Variants in ARHGAP42 observed in about 807,000 individuals in gnomAD.
ARHGAP42 encodes the protein rho GTPase-activating protein 42.
In ARHGAP42, 63 loss-of-function variants were observed where a neutral mutation model predicts 125.0. That is an observed-to-expected ratio of 0.50 (90% CI 0.41 to 0.62). The LOEUF is 0.62. Ranked by LOEUF, ARHGAP42 falls within the 20% of genes least tolerant of loss-of-function variation. ARHGAP42 has a pLI of 0.00. For synonymous variants in ARHGAP42, 339 were observed against 351.0 expected (o/e 0.97, Z 0.38); for missense variants, 766 against 1,024.2 (o/e 0.75, Z 3.44).
chr11:100,941,830 G>T lies in ARHGAP42; in HGVS notation c.879G>T (p.Lys293Asn). 1 of 1,538,700 alleles carries T rather than the reference G, an allele frequency of 6.5e-7. No homozygotes were observed. Among genetic ancestry groups the T allele is most frequent in the South Asian group, 1.2e-5 (1 of 80,414 alleles). ...TWIKHYCTYD[K>N]GSKTFTMSVS... is the part of the protein sequence containing the mutation. ...TTAAACATTATTGTACATATGATAA[G>T]GGAAGTAAAACATTTACAATGAGTG... The change falls in exon 9 of 24, where the codon AAG becomes AAT. Residue 293 changes from lysine to asparagine, a missense_variant. Physicochemically the swap from Lys to Asn is moderately conservative, Grantham distance 94 (BLOSUM62 0). Around this residue, in one of 3 missense-constraint regions of ARHGAP42, gnomAD observed 455 missense variants for 636.5 expected, o/e 0.71. Transcript: ENST00000298815.
chr11:100,822,707 G>A (rs1732476841), intron 3 of ARHGAP42, among the ~76,000 whole-genome samples: 1 of 151,962 alleles, frequency 6.6e-6, no homozygotes, highest in African/African-American at 2.4e-5. Flanking sequence ...TGGACTGTGT[G>A]GTCCTGTTCT....
chr11:100,890,004 G>T (rs1225297543), intron 4 of ARHGAP42, among the ~76,000 whole-genome samples: 5 of 152,176 alleles, frequency 3.3e-5, no homozygotes, highest in African/African-American at 1.2e-4. Flanking sequence ...TTCTCTGTCG[G>T]AAGTGAAGTC....
At chr11:100,942,619 G>A (rs1240443530) in intron 9 of ARHGAP42, among the ~76,000 whole-genome samples, 2 of 152,120 alleles carry the variant, frequency 1.3e-5, no homozygotes, top group Non-Finnish European at 2.9e-5. Context: ...AACAGATTAG[G>A]AAATAAAGTT....
At chr11:100,950,047 G>A (rs905856405) in intron 12 of ARHGAP42, 91 bp downstream of exon 12, 26 of 719,602 alleles carry the variant, frequency 3.6e-5, no homozygotes, top group Non-Finnish European at 5.1e-5. Context: ...TGGGGAAATA[G>A]TATAACACCA....
intron 2 of ARHGAP42, among the ~76,000 whole-genome samples, chr11:100,779,766 C>A (rs1484638982): frequency 1.3e-5 from 2 of 151,652 alleles, no homozygotes; most frequent in Admixed American, 6.6e-5. Flanking sequence ...TGACTCACAT[C>A]TGTAATCCCA....
intron 1 of ARHGAP42, among the ~76,000 whole-genome samples, chr11:100,742,357 CTAAT>C (rs1565550647): frequency 1.3e-5 from 2 of 151,632 alleles, no homozygotes; most frequent in African/African-American, 2.4e-5. Context: ...TATTCAGTGA[CTAAT>C]TGATTTTCCT....
intron 3 of ARHGAP42, among the ~76,000 whole-genome samples, chr11:100,813,447 T>C (rs1169966929): frequency 6.6e-6 from 1 of 152,184 alleles, no homozygotes; most frequent in African/African-American, 2.4e-5. Context: ...TTATCAAGCA[T>C]TTTCTTTTGG....
intron 4 of ARHGAP42, among the ~76,000 whole-genome samples, chr11:100,865,497 C>T (rs1865548100): frequency 6.6e-6 from 1 of 152,106 alleles, no homozygotes; most frequent in African/African-American, 2.4e-5. Flanking sequence ...ATTGAGAAAA[C>T]AATCCCCTTT....
chr11:100,804,305 G>A (rs1863936780), intron 3 of ARHGAP42, among the ~76,000 whole-genome samples: 2 of 151,966 alleles, frequency 1.3e-5, no homozygotes, highest in Admixed American at 6.6e-5. Flanking sequence ...TTTTATCCTT[G>A]AGTAATAAAA....
intron 3 of ARHGAP42, among the ~76,000 whole-genome samples, chr11:100,852,886 G>T (rs1483108934): frequency 1.3e-5 from 2 of 152,120 alleles, no homozygotes; most frequent in African/African-American, 4.8e-5. Context: ...AAAGGTAGAG[G>T]ACTGGCTGAA....
At chr11:100,952,773 G>A (rs1373386288) in intron 12 of ARHGAP42, among the ~76,000 whole-genome samples, 1 of 122,666 alleles carries the variant, frequency 8.2e-6, no homozygotes, top group African/African-American at 3.2e-5. Context: ...TGTTGCCCAG[G>A]CTCAAGTGCA....
intron 3 of ARHGAP42, among the ~76,000 whole-genome samples, chr11:100,797,261 A>G (rs1370283388): frequency 1.3e-5 from 2 of 152,264 alleles, no homozygotes; most frequent in East Asian, 1.9e-4. Context: ...GAGATCGTAG[A>G]TGAAGGTGGC....
At chr11:100,979,296 T>C (rs1858472001) in intron 22 of ARHGAP42, among the ~76,000 whole-genome samples, 1 of 152,204 alleles carries the variant, frequency 6.6e-6, no homozygotes, top group Admixed American at 6.5e-5. Flanking sequence ...TCCTAGAAGA[T>C]AAAAATTGCT....
intron 3 of ARHGAP42, among the ~76,000 whole-genome samples, chr11:100,856,294 T>A (rs1865321268): frequency 6.6e-6 from 1 of 152,104 alleles, no homozygotes; most frequent in African/African-American, 2.4e-5. Flanking sequence ...TTTCCTTTCT[T>A]ATGCAGTAGC....
In ARHGAP42 at chr11:100,775,269, C is replaced by T. The variant is rs191848633; in HGVS notation, c.250+4831C>T. 1.0e-3 allele frequency among the ~76,000 whole-genome samples: 154 copies of T among 152,182 alleles called. 1 individual carries two copies. The highest frequency in any genetic ancestry group is 3.6e-3 in the African/African-American group (148 of 41,520). On this transcript the variant is annotated intron_variant, in intron 2 of 23. Coordinates refer to ENST00000298815, the MANE Select transcript of ARHGAP42 (RefSeq NM_152432.4). ...TAAGGAAGACATTGAGTTAGGAGTA[C>T]AGTGCTAGACACGCGGGGCTCAGAA...
intron 3 of ARHGAP42, among the ~76,000 whole-genome samples, chr11:100,820,814 A>G (rs185381704): frequency 4.1e-4 from 62 of 152,258 alleles, no homozygotes; most frequent in Admixed American, 3.3e-3. Flanking sequence ...TTAAATATGA[A>G]TGCAGCTGTT....
intron 2 of ARHGAP42, among the ~76,000 whole-genome samples, chr11:100,790,161 G>A (rs1365143593): frequency 1.3e-5 from 2 of 152,082 alleles, no homozygotes; most frequent in Non-Finnish European, 2.9e-5. Flanking sequence ...GAATTTAAGC[G>A]TGCTAAAAAG....
At chr11:100,965,576 G>A in intron 16 of ARHGAP42, 95 bp from the exon 17 acceptor site, 2 of 991,110 alleles carry the variant, frequency 2.0e-6, no homozygotes, top group East Asian at 2.6e-5. Context: ...AGGCATGAGG[G>A]GTAGGAGTGG....
chr11:100,812,668 A>C (rs1376143517), intron 3 of ARHGAP42, among the ~76,000 whole-genome samples: 2 of 152,214 alleles, frequency 1.3e-5, no homozygotes, highest in Non-Finnish European at 2.9e-5. Flanking sequence ...CAGGTTGCCC[A>C]GACAGCTTTA....
Sources: allele counts gnomAD v4.1 joint callset (sites outside exome capture counted in the v4.1 genomes callset), GRCh38; gene constraint gnomAD v4.1.1; regional missense constraint gnomAD v4.1.1; transcripts MANE v1.5; gene names NCBI Gene and HGNC (gene_info 2026-07-23, HGNC 2026-07-21).